THNSL1: variants seen among roughly 807,000 people sequenced by gnomAD.
THNSL1 encodes threonine synthase-like 1.
A neutral mutation model predicts 50.4 loss-of-function variants in THNSL1; 48 were observed. The observed-to-expected ratio is 0.95, with a 90% CI of 0.76 to 1.21. The LOEUF (loss-of-function observed/expected upper bound fraction) is 1.21, where lower values mean the gene tolerates loss of function less well. THNSL1 is among the 50% of genes most tolerant of loss of function. The probability of loss-of-function intolerance (pLI) is 0.00; values close to 1 mark genes in which losing one functional copy is unlikely to be tolerated. For synonymous variants in THNSL1, 309 were observed against 306.1 expected (o/e 1.01, Z -0.10); for missense variants, 896 against 871.7 (o/e 1.03, Z -0.35).
At chr10:24,999,308 C>T in the THNSL1 span, 5 of 1,247,656 alleles carry the variant, frequency 4.0e-6, no homozygotes, top group Admixed American at 9.5e-5. Flanking sequence ...GCTGCTATCA[C>T]CTGTGCATGT....
chr10:25,010,773 C>T, the THNSL1 span, among the ~76,000 whole-genome samples: 8 of 142,918 alleles, frequency 5.6e-5, no homozygotes, highest in Admixed American at 1.5e-4. Flanking sequence ...AGGACATGAA[C>T]TCATCATTTT....
At chr10:24,984,504 T>C in the THNSL1 span, 1 of 1,253,962 alleles carries the variant, frequency 8.0e-7, no homozygotes. Context: ...GGAACACATA[T>C]TCTCAAATTT....
the THNSL1 span, among the ~76,000 whole-genome samples, chr10:24,978,132 C>T: frequency 6.6e-6 from 1 of 152,154 alleles, no homozygotes; most frequent in Admixed American, 6.5e-5. Flanking sequence ...TCCTGTGAAA[C>T]ACTATCTTTC....
At chr10:24,953,759 G>GGA in the THNSL1 span, among the ~76,000 whole-genome samples, 2 of 152,210 alleles carry the variant, frequency 1.3e-5, no homozygotes, top group Admixed American at 1.3e-4. Flanking sequence ...CACACAGAGG[G>GGA]GAGAGGAATG....
chr10:25,014,671 G>A (rs929360034), upstream of THNSL1, among the ~76,000 whole-genome samples: 2 of 152,096 alleles, frequency 1.3e-5, no homozygotes, highest in Non-Finnish European at 2.9e-5. Context: ...TAATATGCAG[G>A]AATTTGAAAC....
rs976780792 is a variant in THNSL1 at position 25,025,541 on chromosome 10, T to C, written c.*86T>C. 2 of 1,312,250 alleles carry C rather than the reference T, an allele frequency of 1.5e-6. No homozygotes were observed. Among genetic ancestry groups the C allele is most frequent in the Non-Finnish European group, 2.1e-6 (2 of 956,058 alleles). The allele number at this position is 1,312,250 out of a possible 1,614,324, so 81.3% of individuals were successfully genotyped here. On this transcript the variant is annotated 3_prime_UTR_variant, in exon 3 of 3. Coordinates refer to ENST00000376356, the MANE Select transcript of THNSL1 (RefSeq NM_024838.5). ...TGATTTGGAGTACAGTAGCATTTTG[T>C]CTTTTATGTAAATATCTCTATATCT... is the stretch of plus-strand genomic sequence containing the variant.
At chr10:24,996,569 T>C in the THNSL1 span, among the ~76,000 whole-genome samples, 2 of 152,180 alleles carry the variant, frequency 1.3e-5, no homozygotes, top group Non-Finnish European at 2.9e-5. Context: ...TATTTTAATA[T>C]AGCCAAATGG....
the THNSL1 span, among the ~76,000 whole-genome samples, chr10:24,977,488 C>T: frequency 6.6e-6 from 1 of 152,184 alleles, no homozygotes; most frequent in African/African-American, 2.4e-5. Context: ...TTTTCAAGCT[C>T]ATTCACTGCA....
the THNSL1 span, chr10:24,984,989 T>C: frequency 9.6e-7 from 1 of 1,041,422 alleles, no homozygotes; most frequent in Non-Finnish European, 1.4e-6. Context: ...TAATGAAAAA[T>C]GTCAATAAGT....
chr10:25,005,578 G>A, the THNSL1 span, among the ~76,000 whole-genome samples: 11 of 152,122 alleles, frequency 7.2e-5, no homozygotes, highest in Non-Finnish European at 1.5e-4. Context: ...GAACTCTGGA[G>A]CCTAGGCTGT....
chr10:24,955,918 G>T, the THNSL1 span, among the ~76,000 whole-genome samples: 4 of 152,066 alleles, frequency 2.6e-5, no homozygotes, highest in Admixed American at 6.6e-5. Context: ...CTGCACTCCA[G>T]CCTGGGTGAC....
the THNSL1 span, among the ~76,000 whole-genome samples, chr10:24,975,520 C>T: frequency 5.9e-5 from 9 of 152,242 alleles, no homozygotes; most frequent in East Asian, 1.9e-4. Context: ...GAGAGACTGA[C>T]GGGAGGGAGG....
the THNSL1 span, among the ~76,000 whole-genome samples, chr10:25,001,510 C>G: frequency 6.6e-6 from 1 of 152,006 alleles, no homozygotes; most frequent in African/African-American, 2.4e-5. Context: ...GATTCTTTGA[C>G]TGCTTGATAT....
At chr10:25,019,884 G>A (rs1440392689) in intron 1 of THNSL1, among the ~76,000 whole-genome samples, 7 of 151,752 alleles carry the variant, frequency 4.6e-5, no homozygotes, top group East Asian at 1.9e-4. Context: ...CCATTTCTCC[G>A]TGAATTAAAA....
At chr10:25,023,117 C>T in intron 2 of THNSL1, 59 bp from the exon 3 acceptor site, 1 of 1,063,486 alleles carries the variant, frequency 9.4e-7, no homozygotes. Context: ...TAACAATCTA[C>T]TGTAATTAGT....
intron 2 of THNSL1, among the ~76,000 whole-genome samples, chr10:25,022,925 T>TA (rs1280401834): frequency 6.6e-6 from 1 of 152,226 alleles, no homozygotes; most frequent in Non-Finnish European, 1.5e-5. Context: ...TTTTTATAGT[T>TA]ACAAATTTTG....
At chr10:24,961,103 A>G in the THNSL1 span, among the ~76,000 whole-genome samples, 1 of 152,222 alleles carries the variant, frequency 6.6e-6, no homozygotes, top group African/African-American at 2.4e-5. Flanking sequence ...ATATAGAAAA[A>G]CAGAAGTAAA....
upstream of THNSL1, among the ~76,000 whole-genome samples, chr10:25,011,962 G>GAA (rs1337681044): frequency 2.0e-5 from 3 of 152,186 alleles, no homozygotes; most frequent in African/African-American, 7.2e-5. Context: ...AGACCTAGGA[G>GAA]AAAAAATGGT....
At position 25,024,943 on chromosome 10, in the gene THNSL1, C is replaced by T. The variant is rs781236924; in HGVS notation, c.1720C>T (p.Arg574Ter). 1.2e-5 allele frequency: 19 copies of T among 1,613,860 alleles called. No individual in the cohort carries two copies. Among genetic ancestry groups the T allele is most frequent in the South Asian group, 5.5e-5 (5 of 91,072 alleles). ...TATTCTCAAATCTTCAAACCTAGAA[C>T]GACATTTACACTTGATGGCTAATAA... ...IDILKSSNLERHLHLMANKDG... is the reference protein window; with the variant it reads ...IDILKSSNLE The change falls in exon 3 of 3, where the codon CGA (arginine) becomes TGA (stop). Residue 574 changes from arginine to a stop codon, truncating the protein, a stop_gained. Transcript: ENST00000376356. LOFTEE classifies it high-confidence loss of function.
Sources: gnomAD v4.1 joint callset for allele counts (sites outside exome capture counted in the v4.1 genomes callset) on GRCh38, gnomAD v4.1.1 for gene constraint, MANE v1.5 for transcripts, NCBI Gene and HGNC (gene_info 2026-07-23, HGNC 2026-07-21) for gene names.